RARB: variants seen among roughly 807,000 people sequenced by gnomAD.
RARB encodes the protein HBV-activated protein.
RARB carries 17 observed loss-of-function variants against 51.9 expected under a neutral mutation model. The observed-to-expected ratio is 0.33, with a 90% CI of 0.22 to 0.49. The LOEUF (loss-of-function observed/expected upper bound fraction) is 0.49, where lower values mean the gene tolerates loss of function less well. Ranked by LOEUF, RARB falls within the 20% of genes least tolerant of loss-of-function variation. The probability of loss-of-function intolerance (pLI) is 0.99; values close to 1 mark genes in which losing one functional copy is unlikely to be tolerated. For missense variants in RARB, 369 were observed against 550.8 expected (o/e 0.67, Z 3.30); for synonymous variants, 215 against 195.4 (o/e 1.10, Z -0.84).
intron 1 of RARB, among the ~76,000 whole-genome samples, chr3:25,454,431 C>T (rs1390483033): frequency 6.6e-6 from 1 of 152,250 alleles, no homozygotes; most frequent in Non-Finnish European, 1.5e-5. Flanking sequence ...CTCCCTTCCA[C>T]TGGGATTCGG....
At chr3:24,930,112 T>A (rs1397330634) in intron 2 of RARB, among the ~76,000 whole-genome samples, 2 of 152,082 alleles carry the variant, frequency 1.3e-5, no homozygotes, top group African/African-American at 4.8e-5. Context: ...TTATTGGTCA[T>A]ACTGCCAAAA....
chr3:25,280,636 C>A (rs1469664601), intron 5 of RARB, among the ~76,000 whole-genome samples: 1 of 152,166 alleles, frequency 6.6e-6, no homozygotes, highest in Non-Finnish European at 1.5e-5. Context: ...GGTACAGAGA[C>A]ACAGATGTTA....
intron 5 of RARB, among the ~76,000 whole-genome samples, chr3:25,316,510 T>C (rs1037493076): frequency 5.9e-5 from 9 of 152,092 alleles, no homozygotes; most frequent in South Asian, 2.1e-4. Flanking sequence ...GGGGAAATAA[T>C]GTATAATTCA....
intron 3 of RARB, among the ~76,000 whole-genome samples, chr3:25,520,554 CTCT>C (rs1472355463): frequency 6.6e-6 from 1 of 152,186 alleles, no homozygotes; most frequent in African/African-American, 2.4e-5. Context: ...CAACTGATAA[CTCT>C]TTTTTTAGAT....
intron 3 of RARB, among the ~76,000 whole-genome samples, chr3:25,515,120 G>A (rs564889986): frequency 2.6e-5 from 4 of 152,314 alleles, no homozygotes; most frequent in Non-Finnish European, 4.4e-5. Flanking sequence ...GGATAATAAC[G>A]GTGTCCAGGT....
In RARB at chr3:25,488,563, G is replaced by A. The variant is rs559830711; in HGVS notation, c.307-12619G>A. On this transcript the variant is annotated intron_variant, in intron 2 of 7. Transcript: ENST00000330688. ...CTAGATGAGGCTTCCTGGCCTGGGG[G>A]CAGGGTCTGACACCCCATCTTTTGG... Among the ~76,000 whole-genome samples the A allele has an allele frequency of 5.3e-5, 8 of 152,300 alleles. No individual in the cohort carries two copies. In the South Asian group the frequency reaches 1.5e-3, roughly 28 times the overall value.
At chr3:25,219,009 C>T (rs1701890526) in intron 5 of RARB, among the ~76,000 whole-genome samples, 1 of 152,176 alleles carries the variant, frequency 6.6e-6, no homozygotes, top group South Asian at 2.1e-4. Context: ...GCACTTGAAG[C>T]TTATTTCATT....
chr3:25,507,810 G>A (rs1196895355), intron 3 of RARB, among the ~76,000 whole-genome samples: 1 of 152,180 alleles, frequency 6.6e-6, no homozygotes, highest in African/African-American at 2.4e-5. Context: ...CGGGTGCTGT[G>A]AGGAAGGGAG....
chr3:25,403,886 T>TAAAAAAAAA (rs546197894), intron 5 of RARB, among the ~76,000 whole-genome samples: 11 of 88,364 alleles, frequency 1.2e-4, no homozygotes, highest in East Asian at 7.1e-4. Flanking sequence ...TTTCTTTTTC[T>TAAAAAAAAA]AAAAAAAAAA....
intron 5 of RARB, among the ~76,000 whole-genome samples, chr3:25,285,035 CCT>C (rs1703615313): frequency 6.6e-6 from 1 of 152,082 alleles, no homozygotes; most frequent in African/African-American, 2.4e-5. Context: ...TCATTTATTC[CCT>C]CTCTTACTCA....
chr3:25,163,656 G>A (rs1229995440), intron 4 of RARB, among the ~76,000 whole-genome samples: 1 of 151,780 alleles, frequency 6.6e-6, no homozygotes, highest in Non-Finnish European at 1.5e-5. Flanking sequence ...GCCCTTGGTG[G>A]TCAATAAAGA....
At chr3:25,235,601 A>C (rs1702283903) in intron 5 of RARB, among the ~76,000 whole-genome samples, 1 of 152,188 alleles carries the variant, frequency 6.6e-6, no homozygotes, top group African/African-American at 2.4e-5. Context: ...ATCACAGACA[A>C]AACATTCCAT....
intron 2 of RARB, among the ~76,000 whole-genome samples, chr3:24,923,290 C>CT (rs140874856): frequency 0.16 from 24,668 of 152,036 alleles, 2,084 homozygotes; most frequent in African/African-American, 0.18. Context: ...AATTTGTCAT[C>CT]TTTTTTTCCC....
intron 1 of RARB, among the ~76,000 whole-genome samples, chr3:25,435,993 C>T (rs1708419442): frequency 6.6e-6 from 1 of 152,178 alleles, no homozygotes; most frequent in South Asian, 2.1e-4. Flanking sequence ...AGACACATCT[C>T]CAAGGAAGTA....
chr3:24,830,660 G>A (rs2125325550), intron 1 of RARB, among the ~76,000 whole-genome samples: 1 of 147,540 alleles, frequency 6.8e-6, no homozygotes, highest in Non-Finnish European at 1.5e-5. Context: ...CGGCCAGAGT[G>A]TGGGGTGTGT....
At chr3:25,429,008 C>G (rs2125513303) in intron 1 of RARB, 120 bp downstream of exon 1, 33 of 1,250,926 alleles carry the variant, frequency 2.6e-5, no homozygotes, top group Non-Finnish European at 3.5e-5. Flanking sequence ...TGATTTAATG[C>G]TGAAGGGGTG....
intron 3 of RARB, among the ~76,000 whole-genome samples, chr3:25,066,503 C>G (rs995559615): frequency 6.6e-6 from 1 of 152,110 alleles, no homozygotes; most frequent in Non-Finnish European, 1.5e-5. Flanking sequence ...CCAGGAGTTT[C>G]AACTTCTAGA....
chr3:25,250,175 G>T (rs929012495), intron 5 of RARB, among the ~76,000 whole-genome samples: 8 of 152,154 alleles, frequency 5.3e-5, no homozygotes, highest in African/African-American at 1.9e-4. Context: ...AGTAACAGCA[G>T]GTTGGATGGG....
chr3:25,353,682 G>A (rs1705645294), intron 5 of RARB, among the ~76,000 whole-genome samples: 1 of 151,680 alleles, frequency 6.6e-6, no homozygotes, highest in Non-Finnish European at 1.5e-5. Context: ...AACGTTGTAG[G>A]TGGCCATGAT....
Sources: allele counts gnomAD v4.1 joint callset (sites outside exome capture counted in the v4.1 genomes callset), GRCh38; gene constraint gnomAD v4.1.1; transcripts MANE v1.5; gene names NCBI Gene and HGNC (gene_info 2026-07-23, HGNC 2026-07-21).